Variants in CADM1 observed in about 807,000 individuals in gnomAD.
CADM1 encodes cell adhesion molecule 1.
In CADM1, 15 loss-of-function variants were observed where a neutral mutation model predicts 53.1. The ratio of observed to expected loss-of-function variants is 0.28; its 90% confidence interval spans 0.19 to 0.44. CADM1 has a LOEUF of 0.44. Ranked by LOEUF, CADM1 falls within the 20% of genes least tolerant of loss-of-function variation. The pLI is 1.00. For synonymous variants in CADM1, 281 were observed against 243.0 expected (o/e 1.16, Z -1.45); for missense variants, 434 against 611.3 (o/e 0.71, Z 3.06).
intron 7 of CADM1, among the ~76,000 whole-genome samples, chr11:115,212,715 T>C (rs1941016658): frequency 6.6e-6 from 1 of 152,176 alleles, no homozygotes; most frequent in East Asian, 1.9e-4. Flanking sequence ...AGAGCCAAAG[T>C]ATTTTGGTTC....
chr11:115,185,181 CA>C (rs1321669758), intron 10 of CADM1, among the ~76,000 whole-genome samples: 4 of 152,138 alleles, frequency 2.6e-5, no homozygotes, highest in Non-Finnish European at 4.4e-5. Flanking sequence ...TGGTGTTTGC[CA>C]AATTCAAATC....
intron 1 of CADM1, among the ~76,000 whole-genome samples, chr11:115,449,091 A>C (rs1328595710): frequency 6.6e-6 from 1 of 152,162 alleles, no homozygotes; most frequent in Non-Finnish European, 1.5e-5. Flanking sequence ...CAATTTCAAG[A>C]GCTAACCCCC....
At chr11:115,330,027 G>C (rs1223308729) in intron 1 of CADM1, among the ~76,000 whole-genome samples, 1 of 151,354 alleles carries the variant, frequency 6.6e-6, no homozygotes, top group African/African-American at 2.4e-5. Context: ...GTACAGGATA[G>C]AGGGGTGCAG....
chr11:115,329,968 G>A (rs1003077870), intron 1 of CADM1, among the ~76,000 whole-genome samples: 19 of 150,860 alleles, frequency 1.3e-4, no homozygotes, highest in Admixed American at 2.6e-4. Context: ...CTGCTCTTCT[G>A]CTCCTCTGCT....
At chr11:115,252,572 C>T (rs1006106889) in intron 1 of CADM1, among the ~76,000 whole-genome samples, 3 of 152,054 alleles carry the variant, frequency 2.0e-5, no homozygotes, top group African/African-American at 7.2e-5. Context: ...GGGCAGAGGA[C>T]CAGACATTTG....
intron 8 of CADM1, 56 bp downstream of exon 8, chr11:115,209,518 T>C: frequency 6.3e-7 from 1 of 1,599,766 alleles, no homozygotes; most frequent in Non-Finnish European, 8.5e-7. Context: ...TTTTTATACA[T>C]ACCAGAAAGA....
chr11:115,254,555 C>A (rs1942714804), intron 1 of CADM1, among the ~76,000 whole-genome samples: 1 of 117,458 alleles, frequency 8.5e-6, no homozygotes, highest in African/African-American at 4.4e-5. Flanking sequence ...GACAAACACA[C>A]ACACACACAC....
intron 4 of CADM1, among the ~76,000 whole-genome samples, chr11:115,229,973 G>A (rs1050259989): frequency 7.9e-5 from 12 of 152,158 alleles, no homozygotes; most frequent in South Asian, 2.1e-4. Context: ...GGAGGCTTCC[G>A]GATGGAATGA....
intron 1 of CADM1, among the ~76,000 whole-genome samples, chr11:115,485,470 T>A (rs1949353486): frequency 6.6e-6 from 1 of 152,244 alleles, no homozygotes; most frequent in Non-Finnish European, 1.5e-5. Flanking sequence ...CCAAATCTCA[T>A]CTTGAATTGT....
intron 1 of CADM1, among the ~76,000 whole-genome samples, chr11:115,357,662 G>T (rs754133966): frequency 6.6e-6 from 1 of 152,112 alleles, no homozygotes; most frequent in African/African-American, 2.4e-5. Context: ...TGTTTGTGAC[G>T]ATTCATAACA....
chr11:115,193,917 C>T (rs1045505466), intron 9 of CADM1: 2 of 152,162 alleles, frequency 1.3e-5, no homozygotes, highest in African/African-American at 2.4e-5. Flanking sequence ...CAGACGCCCC[C>T]GGGAGTTTTA....
chr11:115,401,809 G>A (rs1012027944), intron 1 of CADM1, among the ~76,000 whole-genome samples: 1 of 152,094 alleles, frequency 6.6e-6, no homozygotes, highest in Admixed American at 6.5e-5. Flanking sequence ...GGGTGATAAC[G>A]GTGTGTCAGT....
intron 1 of CADM1, among the ~76,000 whole-genome samples, chr11:115,448,321 G>A (rs1948497967): frequency 6.6e-6 from 1 of 152,088 alleles, no homozygotes; most frequent in Non-Finnish European, 1.5e-5. Flanking sequence ...GAATAAGTTA[G>A]TTCCAATAGT....
At chr11:115,347,193 A>T (rs774743604) in intron 1 of CADM1, among the ~76,000 whole-genome samples, 11 of 152,146 alleles carry the variant, frequency 7.2e-5, no homozygotes, top group Non-Finnish European at 1.5e-4. Flanking sequence ...CCACAGTGAC[A>T]AGCAGGCTTC....
In CADM1 at chr11:115,229,130, C is replaced by T. The variant is rs769063452; in HGVS notation, c.704G>A (p.Arg235Gln). 25 of 1,613,828 alleles carry T rather than the reference C, an allele frequency of 1.5e-5. No individual in the cohort carries two copies. The highest frequency in any genetic ancestry group is 1.9e-5 in the Non-Finnish European group (22 of 1,179,992). The change falls in exon 5 of 12, where the codon CGG (arginine) becomes CAG (glutamine). Residue 235 changes from arginine to glutamine, a missense_variant. Transcript: ENST00000331581. The stretch of plus-strand genomic sequence containing the variant: ...GTACTCACACTGTACTTCTAGATAC[C>T]GCTGGGTCTGCAGGTTTCCAGTGAC... Reference protein sequence around the residue: ...PAVTGNLQTQRYLEVQYKPQV... With the variant: ...PAVTGNLQTQQYLEVQYKPQV...
chr11:115,255,378 T>C (rs1002767815), intron 1 of CADM1, among the ~76,000 whole-genome samples: 9 of 152,204 alleles, frequency 5.9e-5, no homozygotes, highest in Non-Finnish European at 1.2e-4. Flanking sequence ...TGCAGTGTTG[T>C]TGACCAGCAG....
At chr11:115,193,109 G>A (rs1318684751) in intron 9 of CADM1, among the ~76,000 whole-genome samples, 1 of 152,158 alleles carries the variant, frequency 6.6e-6, no homozygotes, top group Non-Finnish European at 1.5e-5. Flanking sequence ...TTTGGCTTAG[G>A]TATTTTTCTT....
chr11:115,332,962 A>G (rs2135222162), intron 1 of CADM1, among the ~76,000 whole-genome samples: 1 of 151,908 alleles, frequency 6.6e-6, no homozygotes, highest in African/African-American at 2.4e-5. Flanking sequence ...CTCCCCAGGA[A>G]CTCTTCACTT....
At chr11:115,491,407 T>C (rs756325020) in intron 1 of CADM1, among the ~76,000 whole-genome samples, 29 of 151,646 alleles carry the variant, frequency 1.9e-4, no homozygotes, top group Middle Eastern at 3.2e-3. Flanking sequence ...CTACTAAAAA[T>C]ACAAAAAATT....
Sources: gnomAD v4.1 joint callset for allele counts (sites outside exome capture counted in the v4.1 genomes callset) on GRCh38, gnomAD v4.1.1 for gene constraint, MANE v1.5 for transcripts, NCBI Gene and HGNC (gene_info 2026-07-23, HGNC 2026-07-21) for gene names.